Variants in MTHFS observed in about 807,000 individuals in gnomAD.
MTHFS encodes the protein 5-formyltetrahydrofolate cyclo-ligase.
In MTHFS, 7 loss-of-function variants were observed where a neutral mutation model predicts 12.7. That is an observed-to-expected ratio of 0.55 (90% CI 0.31 to 1.03). The LOEUF (loss-of-function observed/expected upper bound fraction) is 1.03, where lower values mean the gene tolerates loss of function less well. Ranked by LOEUF, MTHFS falls within the 50% of genes least tolerant of loss-of-function variation. The pLI is 0.05. For missense variants in MTHFS, 252 were observed against 258.1 expected, an observed-to-expected ratio of 0.98 and a Z score of 0.16; for synonymous variants, 100 against 97.1, an observed-to-expected ratio of 1.03 and a Z score of -0.18.
intron 2 of MTHFS, among the ~76,000 whole-genome samples, chr15:79,851,415 T>C (rs1449191548): frequency 6.6e-6 from 1 of 152,230 alleles, no homozygotes; most frequent in Non-Finnish European, 1.5e-5. Flanking sequence ...GTCCCCTTGC[T>C]GTATTTATTT....
At chr15:79,888,162 T>C (rs1446873377) in intron 2 of MTHFS, among the ~76,000 whole-genome samples, 2 of 152,126 alleles carry the variant, frequency 1.3e-5, no homozygotes, top group Non-Finnish European at 2.9e-5. Flanking sequence ...ATGATAAAAC[T>C]TCCCAAGCAG....
chr15:79,853,307 T>C (rs1371113720), intron 2 of MTHFS, among the ~76,000 whole-genome samples: 2 of 152,168 alleles, frequency 1.3e-5, no homozygotes, highest in Non-Finnish European at 2.9e-5. Context: ...AACACAAACA[T>C]CAAGGACAAG....
intron 2 of MTHFS, among the ~76,000 whole-genome samples, chr15:79,861,806 C>T (rs541576941): frequency 6.0e-4 from 91 of 152,244 alleles, no homozygotes; most frequent in South Asian, 2.5e-3. Context: ...TATGGTTTAT[C>T]AACAAGTGAA....
chr15:79,890,063 G>A (rs1188354276), intron 1 of MTHFS, among the ~76,000 whole-genome samples: 1 of 151,974 alleles, frequency 6.6e-6, no homozygotes, highest in Non-Finnish European at 1.5e-5. Flanking sequence ...TATGGGGTGG[G>A]GGCAGATCCT....
intron 2 of MTHFS, among the ~76,000 whole-genome samples, chr15:79,846,811 T>G (rs2141337632): frequency 6.6e-6 from 1 of 152,322 alleles, no homozygotes; most frequent in East Asian, 1.9e-4. Context: ...CCTCTTTCTG[T>G]TGCCAGAGCA....
In MTHFS at chr15:79,845,142, G is replaced by A. The variant is rs899449883; in HGVS notation, c.*68C>T. ...ACAATTTCAACTAATTTTTGACAAG[G>A]GAAAAATACACATACTTTGCTTTAC... On this transcript the variant is annotated 3_prime_UTR_variant, in exon 3 of 3. Coordinates refer to ENST00000258874, the MANE Select transcript of MTHFS (RefSeq NM_006441.4). 1.5e-5 allele frequency: 23 copies of A among 1,567,670 alleles called. No individual in the cohort carries two copies. In the East Asian group the frequency reaches 3.2e-4, roughly 22 times the overall value.
intron 2 of MTHFS, among the ~76,000 whole-genome samples, chr15:79,873,328 G>C (rs2034138515): frequency 6.6e-6 from 1 of 152,138 alleles, no homozygotes; most frequent in Non-Finnish European, 1.5e-5. Context: ...TAGAGGAGCA[G>C]GATATTAATA....
In MTHFS at chr15:79,897,004, AG is replaced by A; in HGVS notation, c.-17del. 1 of 1,515,070 alleles carries A rather than the reference AG, an allele frequency of 6.6e-7. No individual in the cohort carries two copies. The highest frequency in any genetic ancestry group is 1.2e-5 in the South Asian group (1 of 82,214). The allele number at this position is 1,515,070 out of a possible 1,614,324, so 93.9% of individuals were successfully genotyped here. On this transcript the variant is annotated 5_prime_UTR_variant, in exon 1 of 3. Coordinates refer to ENST00000258874, the MANE Select transcript of MTHFS (RefSeq NM_006441.4). ...CCGCCGCCATCTCACGCCCAAGCCG[AG>A]TCCAGTCCCGCCCTCGGCGCCCTGG...
rs1258019016 is a variant in MTHFS, at chr15:79,844,148, C to T, written c.*1062G>A. 3 of 152,102 alleles carry T rather than the reference C, an allele frequency of 2.0e-5. No individual in the cohort carries two copies. The highest frequency in any genetic ancestry group is 4.2e-4 in the South Asian group (2 of 4,818). 9.4% of individuals were successfully genotyped at this position (152,102 alleles called of 1,614,324 possible). ...TACCCAAGAGGCTCTGAACAGCCAC[C>T]GGAAGACCTTAGTCAGGGGTGCTGC... On this transcript the variant is annotated 3_prime_UTR_variant, in exon 3 of 3. Coordinates refer to ENST00000258874, the MANE Select transcript of MTHFS (RefSeq NM_006441.4).
chr15:79,871,455 A>G (rs940467385), intron 2 of MTHFS, among the ~76,000 whole-genome samples: 9 of 152,210 alleles, frequency 5.9e-5, no homozygotes, highest in African/African-American at 2.2e-4. Flanking sequence ...TTGGGTACAA[A>G]TATCAAAAAT....
intron 1 of MTHFS, among the ~76,000 whole-genome samples, chr15:79,893,229 CCT>C (rs1010480927): frequency 6.6e-6 from 1 of 151,168 alleles, no homozygotes; most frequent in Non-Finnish European, 1.5e-5. Flanking sequence ...ATGATGAAAC[CCT>C]GTCTCTACAA....
intron 2 of MTHFS, among the ~76,000 whole-genome samples, chr15:79,879,006 T>C (rs1278018321): frequency 3.3e-5 from 5 of 151,256 alleles, no homozygotes; most frequent in Non-Finnish European, 7.4e-5. Flanking sequence ...CAGACTGTAC[T>C]AAATAAAAGA....
chr15:79,857,301 C>T (rs1388493390), intron 2 of MTHFS, among the ~76,000 whole-genome samples: 1 of 151,960 alleles, frequency 6.6e-6, no homozygotes. Context: ...GCCTGGCCCA[C>T]TATTCTTAAT....
Position 79,845,158 on chromosome 15 carries a change from T to C in MTHFS, c.*52A>G. ...TTTGACAAGGGAAAAATACACATACTTTGCTTTACTCTCATATAAAACACT... is the reference window on the plus strand; with the variant it reads ...TTTGACAAGGGAAAAATACACATACCTTGCTTTACTCTCATATAAAACACT... On this transcript the variant is annotated 3_prime_UTR_variant, in exon 3 of 3. Transcript: ENST00000258874. The C allele has an allele frequency of 1.9e-6, 3 of 1,593,676 alleles. No individual in the cohort carries two copies. The highest frequency in any genetic ancestry group is 2.6e-6 in the Non-Finnish European group (3 of 1,167,404).
At chr15:79,857,651 G>A (rs2033834561) in intron 2 of MTHFS, among the ~76,000 whole-genome samples, 1 of 152,146 alleles carries the variant, frequency 6.6e-6, no homozygotes, top group Non-Finnish European at 1.5e-5. Context: ...TTAGTTCCAA[G>A]TGCCTTTTCA....
chr15:79,849,665 C>T (rs2033677675), intron 2 of MTHFS, among the ~76,000 whole-genome samples: 1 of 152,258 alleles, frequency 6.6e-6, no homozygotes. Flanking sequence ...GCCAAAGACT[C>T]ATTAATAGCG....
chr15:79,895,229 A>T (rs1328903655), intron 1 of MTHFS, among the ~76,000 whole-genome samples: 3 of 152,204 alleles, frequency 2.0e-5, no homozygotes, highest in African/African-American at 7.2e-5. Flanking sequence ...GTATCCTGTC[A>T]TCTCTTGCCT....
chr15:79,877,241 C>T (rs921717110), intron 2 of MTHFS: 1 of 151,636 alleles, frequency 6.6e-6, no homozygotes, highest in African/African-American at 2.4e-5. Flanking sequence ...ATCAAGAATA[C>T]CAATATACTA....
At chr15:79,892,861 G>C (rs1230181464) in intron 1 of MTHFS, among the ~76,000 whole-genome samples, 2 of 152,164 alleles carry the variant, frequency 1.3e-5, no homozygotes, top group African/African-American at 4.8e-5. Flanking sequence ...TGAGCCAGGA[G>C]AATCGCTTGA....
Sources: gnomAD v4.1 joint callset for allele counts (sites outside exome capture counted in the v4.1 genomes callset) on GRCh38, gnomAD v4.1.1 for gene constraint, MANE v1.5 for transcripts, NCBI Gene and HGNC (gene_info 2026-07-23, HGNC 2026-07-21) for gene names.